The following LDLRAD3 variants were observed in gnomAD, a reference collection of about 807,000 sequenced individuals.
LDLRAD3 encodes the protein low-density lipoprotein receptor class A domain-containing protein 3.
In LDLRAD3, 20 loss-of-function variants were observed where a neutral mutation model predicts 29.4. That is an observed-to-expected ratio of 0.68 (90% CI 0.48 to 0.99). LDLRAD3 has a LOEUF of 0.99. LDLRAD3 is among the 50% of genes least tolerant of loss of function. The pLI is 0.00. For synonymous variants in LDLRAD3, 157 were observed against 192.7 expected, an observed-to-expected ratio of 0.81 and a Z score of 1.53; for missense variants, 420 against 454.3, an observed-to-expected ratio of 0.92 and a Z score of 0.69.
intron 2 of LDLRAD3, among the ~76,000 whole-genome samples, chr11:36,069,446 A>G (rs770185501): frequency 2.0e-5 from 3 of 152,234 alleles, no homozygotes; most frequent in Non-Finnish European, 2.9e-5. Flanking sequence ...CGCTTTTTGC[A>G]GTTTTTAGCT....
intron 1 of LDLRAD3, among the ~76,000 whole-genome samples, chr11:36,008,268 T>G (rs909012627): frequency 6.6e-6 from 1 of 152,170 alleles, no homozygotes; most frequent in East Asian, 1.9e-4. Flanking sequence ...AAAAGCCATT[T>G]GAATGTGCAC....
intron 4 of LDLRAD3, among the ~76,000 whole-genome samples, chr11:36,180,803 A>G (rs569984296): frequency 4.6e-5 from 7 of 152,238 alleles, no homozygotes; most frequent in South Asian, 4.1e-4. Flanking sequence ...GCGTGTGCCA[A>G]TTGGTGTGGT....
intron 4 of LDLRAD3, among the ~76,000 whole-genome samples, chr11:36,124,489 G>A (rs749836662): frequency 1.3e-5 from 2 of 152,116 alleles, no homozygotes; most frequent in South Asian, 2.1e-4. Flanking sequence ...ACAGCTTGGG[G>A]TAGCCTGGTG....
intron 2 of LDLRAD3, among the ~76,000 whole-genome samples, chr11:36,037,827 T>C (rs145034608): frequency 6.6e-6 from 1 of 152,302 alleles, no homozygotes; most frequent in Admixed American, 6.5e-5. Context: ...GGTGTGTTAT[T>C]TGGGGAGAAT....
At chr11:35,962,221 T>C (rs1269408396) in intron 1 of LDLRAD3, among the ~76,000 whole-genome samples, 1 of 152,174 alleles carries the variant, frequency 6.6e-6, no homozygotes, top group Non-Finnish European at 1.5e-5. Context: ...TCCTCACGTT[T>C]TTGGAGTTTG....
At chr11:36,040,793 A>G (rs1263199905) in intron 2 of LDLRAD3, among the ~76,000 whole-genome samples, 2 of 152,252 alleles carry the variant, frequency 1.3e-5, no homozygotes, top group East Asian at 3.8e-4. Flanking sequence ...TTTGTTGGCA[A>G]CATGTGAAAA....
chr11:36,191,347 G>T (rs1176803684), intron 4 of LDLRAD3, among the ~76,000 whole-genome samples: 1 of 151,998 alleles, frequency 6.6e-6, no homozygotes, highest in East Asian at 1.9e-4. Context: ...AGACCAGCCT[G>T]AACAACATAC....
intron 1 of LDLRAD3, among the ~76,000 whole-genome samples, chr11:35,976,138 C>T (rs575626076): frequency 6.6e-6 from 1 of 152,092 alleles, no homozygotes; most frequent in East Asian, 1.9e-4. Context: ...ATGTGATGAT[C>T]TCAGAGTTGG....
intron 4 of LDLRAD3, among the ~76,000 whole-genome samples, chr11:36,189,822 T>C (rs1854913452): frequency 6.6e-6 from 1 of 151,798 alleles, no homozygotes; most frequent in Non-Finnish European, 1.5e-5. Flanking sequence ...AGTGAGAACA[T>C]GTGGTGTTTG....
At chr11:36,045,558 G>A (rs972177302) in intron 2 of LDLRAD3, among the ~76,000 whole-genome samples, 1 of 152,094 alleles carries the variant, frequency 6.6e-6, no homozygotes, top group Non-Finnish European at 1.5e-5. Context: ...CTGATTAGCT[G>A]TCTGATATGG....
At chr11:36,049,857 G>T (rs528236982) in intron 2 of LDLRAD3, among the ~76,000 whole-genome samples, 1 of 152,258 alleles carries the variant, frequency 6.6e-6, no homozygotes, top group South Asian at 2.1e-4. Flanking sequence ...TGGGATAAGG[G>T]TGGAGAGGCA....
intron 4 of LDLRAD3, among the ~76,000 whole-genome samples, chr11:36,132,663 G>T (rs1459254236): frequency 2.0e-5 from 3 of 152,214 alleles, no homozygotes; most frequent in Admixed American, 6.5e-5. Context: ...TTCAGGTGAT[G>T]TTGCGTTTTT....
At chr11:36,108,880 A>G (rs1036570545) in intron 4 of LDLRAD3, among the ~76,000 whole-genome samples, 3 of 152,134 alleles carry the variant, frequency 2.0e-5, no homozygotes, top group African/African-American at 7.2e-5. Context: ...CAAATATAAT[A>G]GGAAAAGTGG....
intron 3 of LDLRAD3, among the ~76,000 whole-genome samples, chr11:36,093,937 A>C (rs1304559289): frequency 2.6e-5 from 4 of 152,190 alleles, no homozygotes; most frequent in Non-Finnish European, 5.9e-5. Context: ...CACCACTCAA[A>C]GGTGGGCGTG....
intron 1 of LDLRAD3, among the ~76,000 whole-genome samples, chr11:35,992,656 A>C (rs965854565): frequency 1.3e-5 from 2 of 152,186 alleles, no homozygotes; most frequent in Non-Finnish European, 2.9e-5. Flanking sequence ...AAATACATGG[A>C]GATAGAAAGT....
chr11:36,165,614 T>C (rs1206327710), intron 4 of LDLRAD3, among the ~76,000 whole-genome samples: 1 of 152,198 alleles, frequency 6.6e-6, no homozygotes, highest in African/African-American at 2.4e-5. Context: ...TAAGTGTTGA[T>C]TGAGCCTTTA....
chr11:36,043,734 G>A (rs1852411572), intron 2 of LDLRAD3, among the ~76,000 whole-genome samples: 1 of 152,152 alleles, frequency 6.6e-6, no homozygotes. Flanking sequence ...TGAGATGTCC[G>A]GTTTTTTTTC....
intron 2 of LDLRAD3, among the ~76,000 whole-genome samples, chr11:36,060,949 G>A (rs1852689114): frequency 6.6e-6 from 1 of 152,068 alleles, no homozygotes; most frequent in Non-Finnish European, 1.5e-5. Flanking sequence ...GTATATAAAA[G>A]TGTGTCCCTG....
intron 1 of LDLRAD3, among the ~76,000 whole-genome samples, chr11:36,010,564 G>A (rs983679214): frequency 5.7e-4 from 86 of 152,174 alleles, no homozygotes; most frequent in Admixed American, 2.6e-3. Flanking sequence ...GCTCAAAAAC[G>A]GATGATGTTG....
Sources: gnomAD v4.1 joint callset for allele counts (sites outside exome capture counted in the v4.1 genomes callset) on GRCh38, gnomAD v4.1.1 for gene constraint, MANE v1.5 for transcripts, NCBI Gene and HGNC (gene_info 2026-07-23, HGNC 2026-07-21) for gene names.